Variants in SDCCAG8 observed in about 807,000 individuals in gnomAD.
The protein encoded by SDCCAG8 is serologically defined colon cancer antigen 8.
In SDCCAG8, 74 loss-of-function variants were observed where a neutral mutation model predicts 101.8. The ratio of observed to expected loss-of-function variants is 0.73; its 90% confidence interval spans 0.60 to 0.88. The LOEUF is 0.88. Ranked by LOEUF, SDCCAG8 falls within the 40% of genes least tolerant of loss-of-function variation. The pLI, the probability that SDCCAG8 is intolerant of heterozygous loss-of-function variation, is 0.00. For synonymous variants in SDCCAG8, 281 were observed against 292.9 expected, an observed-to-expected ratio of 0.96 and a Z score of 0.41; for missense variants, 787 against 822.6, an observed-to-expected ratio of 0.96 and a Z score of 0.53.
intron 7 of SDCCAG8, chr1:243,306,386 C>T (rs2072131335): frequency 6.6e-6 from 1 of 152,002 alleles, no homozygotes; most frequent in Non-Finnish European, 1.5e-5. Flanking sequence ...TATTTTGTCT[C>T]ATTCAGAATC....
At position 243,335,176 on chromosome 1, in the gene SDCCAG8, G is replaced by C. The variant is rs142752799; in HGVS notation, c.1221+4484G>C. Among the ~76,000 whole-genome samples, 991 of 152,274 alleles carry C rather than the reference G, an allele frequency of 6.5e-3. 8 individuals are homozygous for C. Among genetic ancestry groups the C allele is most frequent in the African/African-American group, 0.023 (945 of 41,540 alleles). On this transcript the variant is annotated intron_variant, in intron 10 of 17. Transcript: ENST00000366541. The stretch of plus-strand genomic sequence containing the variant: ...AAAATGCTGAGAGTTCAGAGGATCA[G>C]AACTGATTGTCTGCAAGAGATCATG...
At chr1:243,321,106 C>T (rs1288375882) in intron 9 of SDCCAG8, among the ~76,000 whole-genome samples, 1 of 152,146 alleles carries the variant, frequency 6.6e-6, no homozygotes, top group Non-Finnish European at 1.5e-5. Flanking sequence ...TAGTAGCTTA[C>T]CCTCCTCCCC....
chr1:243,281,685 C>T (rs1016524720), intron 4 of SDCCAG8, among the ~76,000 whole-genome samples: 3 of 144,110 alleles, frequency 2.1e-5, no homozygotes, highest in African/African-American at 5.1e-5. Context: ...AGAGTCTTGC[C>T]CTGTTACCTA....
intron 12 of SDCCAG8, among the ~76,000 whole-genome samples, chr1:243,356,599 A>G (rs1242523397): frequency 2.0e-5 from 3 of 152,284 alleles, no homozygotes; most frequent in African/African-American, 7.2e-5. Context: ...ATAATGCATC[A>G]GGATTTTCAG....
chr1:243,293,492 T>C (rs1229404828), intron 6 of SDCCAG8: 2 of 576,204 alleles, frequency 3.5e-6, no homozygotes, highest in East Asian at 4.0e-5. Context: ...TCTTCAACTT[T>C]CGGTCTGTAT....
rs1451021271 is a variant in SDCCAG8 at position 243,438,103 on chromosome 1, C to A, written c.1985+11545C>A. 4.6e-5 allele frequency among the ~76,000 whole-genome samples: 7 copies of A among 152,144 alleles called. No individual in the cohort carries two copies. The East Asian group carries it at 7.7e-4, about 17-fold the overall frequency. The stretch of plus-strand genomic sequence containing the variant: ...CAGTGGGCAGTGGATGTCCTCATGC[C>A]CCACCTCGGAGGGGGAAGCTGCTCG... On this transcript the variant is annotated intron_variant, in intron 16 of 17. Coordinates refer to ENST00000366541, the MANE Select transcript of SDCCAG8 (RefSeq NM_006642.5).
At chr1:243,451,066 C>T (rs1254208449) in intron 16 of SDCCAG8, among the ~76,000 whole-genome samples, 1 of 152,200 alleles carries the variant, frequency 6.6e-6, no homozygotes, top group Non-Finnish European at 1.5e-5. Flanking sequence ...AAGTAGTATA[C>T]ATTATTTCAT....
rs545490202 is a variant in SDCCAG8 at position 243,406,753 on chromosome 1, A to G, written c.1617-8949A>G. Among the ~76,000 whole-genome samples, 19 of 152,230 alleles carry G rather than the reference A, an allele frequency of 1.2e-4. 1 individual carries two copies. In the South Asian group the frequency reaches 3.7e-3, roughly 30 times the overall value. On this transcript the variant is annotated intron_variant, in intron 13 of 17. Coordinates refer to ENST00000366541, the MANE Select transcript of SDCCAG8 (RefSeq NM_006642.5). ...ACCAACTGTGCGCTGCTGCCCCACA[A>G]CATATATCCTCCAGCATCCCGTCAT...
chr1:243,309,368 T>C (rs897879956), intron 8 of SDCCAG8, among the ~76,000 whole-genome samples: 2 of 152,192 alleles, frequency 1.3e-5, no homozygotes, highest in African/African-American at 4.8e-5. Flanking sequence ...ACCTATATAG[T>C]ACTTAAAACA....
At chr1:243,384,113 GA>G (rs879541114) in intron 13 of SDCCAG8, among the ~76,000 whole-genome samples, 2 of 150,350 alleles carry the variant, frequency 1.3e-5, no homozygotes, top group African/African-American at 2.4e-5. Flanking sequence ...GCAAAATGTG[GA>G]AAAAAAAAGA....
chr1:243,469,938 T>A (rs1045362413), intron 16 of SDCCAG8, among the ~76,000 whole-genome samples: 2 of 151,106 alleles, frequency 1.3e-5, no homozygotes, highest in African/African-American at 4.9e-5. Flanking sequence ...AAGGGGTACT[T>A]CAGATAACAT....
At chr1:243,489,762 G>A (rs1448977870) in intron 17 of SDCCAG8, among the ~76,000 whole-genome samples, 6 of 152,198 alleles carry the variant, frequency 3.9e-5, no homozygotes, top group Admixed American at 6.5e-5. Context: ...AAGCATTACA[G>A]CTGGCAAGTA....
At position 243,474,566 on chromosome 1, in the gene SDCCAG8, AC is replaced by A. The variant is rs551337318; in HGVS notation, c.1986-14445del. Among the ~76,000 whole-genome samples the A allele has an allele frequency of 6.6e-6, 1 of 152,190 alleles. No individual in the cohort carries two copies. Among genetic ancestry groups the A allele is most frequent in the Non-Finnish European group, 1.5e-5 (1 of 68,016 alleles). On this transcript the variant is annotated intron_variant, in intron 16 of 17. Coordinates refer to ENST00000366541, the MANE Select transcript of SDCCAG8 (RefSeq NM_006642.5). This position sits in a 1 kb window ranked among gnomAD's most constrained non-coding sequence, Gnocchi z 4.7. ...GCGCTGAGACCTGGCCGCCTAGGCCACCCTGCCCGGCGAGGGAGAGGGGTGT... is the reference window on the plus strand; with the variant it reads ...GCGCTGAGACCTGGCCGCCTAGGCCACCTGCCCGGCGAGGGAGAGGGGTGT...
intron 13 of SDCCAG8, among the ~76,000 whole-genome samples, chr1:243,392,685 T>C (rs2078773074): frequency 6.6e-6 from 1 of 152,180 alleles, no homozygotes; most frequent in African/African-American, 2.4e-5. Context: ...CACAAAGAAT[T>C]ATCTGTTAAA....
intron 16 of SDCCAG8, among the ~76,000 whole-genome samples, chr1:243,440,224 G>A (rs762380876): frequency 4.6e-5 from 7 of 151,980 alleles, no homozygotes; most frequent in East Asian, 1.9e-4. Flanking sequence ...TTTGCCTGGC[G>A]TGTACAAAAC....
chr1:243,306,342 A>T (rs2072127795), intron 7 of SDCCAG8: 1 of 151,876 alleles, frequency 6.6e-6, no homozygotes, highest in Admixed American at 6.6e-5. Flanking sequence ...AAAGTGATGT[A>T]TTTCTAGATC....
chr1:243,419,126 AT>A (rs1261444217), intron 15 of SDCCAG8, among the ~76,000 whole-genome samples: 9 of 152,092 alleles, frequency 5.9e-5, no homozygotes, highest in Non-Finnish European at 1.2e-4. Context: ...CTTTTGGGGA[AT>A]CAGAGGGCTC....
chr1:243,411,430 C>T (rs1028366642), intron 13 of SDCCAG8, among the ~76,000 whole-genome samples: 2 of 152,068 alleles, frequency 1.3e-5, no homozygotes, highest in African/African-American at 4.8e-5. Context: ...TAAAGATCAG[C>T]TTTATTGGGG....
At chr1:243,461,030 G>A (rs1489723896) in intron 16 of SDCCAG8, among the ~76,000 whole-genome samples, 1 of 152,106 alleles carries the variant, frequency 6.6e-6, no homozygotes, top group Admixed American at 6.5e-5. Flanking sequence ...GCTGCCTTAC[G>A]GGTACACATT....
Sources: gnomAD v4.1 joint callset for allele counts (sites outside exome capture counted in the v4.1 genomes callset) on GRCh38, gnomAD v4.1.1 for gene constraint, Gnocchi (gnomAD v3.1) non-coding constraint, MANE v1.5 for transcripts, NCBI Gene and HGNC (gene_info 2026-07-23, HGNC 2026-07-21) for gene names.